The following NTM variants were observed in gnomAD, a reference collection of about 807,000 sequenced individuals.
NTM encodes IgLON family member 2.
In NTM, 13 loss-of-function variants were observed where a neutral mutation model predicts 42.1. The observed-to-expected ratio is 0.31, with a 90% CI of 0.20 to 0.49. The LOEUF (loss-of-function observed/expected upper bound fraction) is 0.49. Among genes scored for constraint, NTM ranks in the 20% least tolerant of loss-of-function variants. The pLI, the probability that NTM is intolerant of heterozygous loss-of-function variation, is 0.99. For synonymous variants in NTM, 187 were observed against 179.2 expected, an observed-to-expected ratio of 1.04 and a Z score of -0.35; for missense variants, 373 against 452.8, an observed-to-expected ratio of 0.82 and a Z score of 1.60.
At chr11:131,866,859 A>G (rs2047274697) in intron 1 of NTM, among the ~76,000 whole-genome samples, 1 of 152,188 alleles carries the variant, frequency 6.6e-6, no homozygotes, top group Non-Finnish European at 1.5e-5. Context: ...GTTTGAACCT[A>G]GGATTCTTTA....
chr11:132,036,900 A>G (rs923435589), intron 2 of NTM, among the ~76,000 whole-genome samples: 6 of 152,188 alleles, frequency 3.9e-5, no homozygotes, highest in African/African-American at 1.4e-4. Flanking sequence ...AAAGTGTGGC[A>G]TCCATATGGT....
intron 1 of NTM, among the ~76,000 whole-genome samples, chr11:131,521,071 T>A (rs1436217840): frequency 6.6e-6 from 1 of 151,960 alleles, no homozygotes; most frequent in East Asian, 1.9e-4. Flanking sequence ...ATGCCTGTAA[T>A]CCTGGCACTT....
chr11:131,777,035 A>G, intron 1 of NTM: 1 of 773,188 alleles, frequency 1.3e-6, no homozygotes, highest in Non-Finnish European at 1.6e-6. Context: ...TGAATCATGA[A>G]TTTTGGGTGG....
chr11:131,897,789 C>T (rs1290697751), intron 1 of NTM, among the ~76,000 whole-genome samples: 2 of 152,094 alleles, frequency 1.3e-5, no homozygotes, highest in South Asian at 2.1e-4. Context: ...AAATATTCAT[C>T]AGTAACATTT....
intron 4 of NTM, among the ~76,000 whole-genome samples, chr11:132,260,815 C>A (rs1454992415): frequency 6.6e-6 from 1 of 152,194 alleles, no homozygotes; most frequent in Non-Finnish European, 1.5e-5. Flanking sequence ...CACCACGGAA[C>A]CTTCTGTTCA....
rs112930827 is a variant in NTM at position 132,320,566 on chromosome 11, C to G, written c.934+5863C>G. ...GCTGATTGCTAGCACAGCAGTCTGA[C>G]ATCAAACTGCAAGGTGGCAGTGAGG... On this transcript the variant is annotated intron_variant, in intron 7 of 8. Transcript: ENST00000683400. 6.6e-4 allele frequency among the ~76,000 whole-genome samples: 100 copies of G among 152,292 alleles called. 3 individuals carry two copies. The highest frequency in any genetic ancestry group is 9.4e-4 in the African/African-American group (39 of 41,560).
intron 1 of NTM, among the ~76,000 whole-genome samples, chr11:131,809,819 C>T (rs2092664652): frequency 6.6e-6 from 1 of 152,170 alleles, no homozygotes; most frequent in Non-Finnish European, 1.5e-5. Flanking sequence ...CCTTCTGTGT[C>T]CCAAAGGTAG....
At chr11:131,568,881 A>G (rs1565649367) in intron 1 of NTM, among the ~76,000 whole-genome samples, 1 of 152,172 alleles carries the variant, frequency 6.6e-6, no homozygotes. Flanking sequence ...TAGCTCCCAG[A>G]TGCTCTCTCT....
At chr11:131,503,926 A>C (rs896941518) in intron 1 of NTM, among the ~76,000 whole-genome samples, 5 of 152,184 alleles carry the variant, frequency 3.3e-5, no homozygotes, top group African/African-American at 9.6e-5. Context: ...AGATGCCATC[A>C]CCAACCCCTA....
chr11:132,288,379 G>A (rs1191571424), intron 4 of NTM, among the ~76,000 whole-genome samples: 1 of 152,188 alleles, frequency 6.6e-6, no homozygotes, highest in Non-Finnish European at 1.5e-5. Flanking sequence ...CCAAGATTCT[G>A]ACATATGAAA....
intron 1 of NTM, among the ~76,000 whole-genome samples, chr11:131,411,014 C>T (rs985921469): frequency 1.3e-5 from 2 of 152,176 alleles, no homozygotes; most frequent in Non-Finnish European, 2.9e-5. Context: ...TCATTTGCTG[C>T]CAGACACTTA....
intron 1 of NTM, among the ~76,000 whole-genome samples, chr11:131,822,971 TCTCC>T (rs954881581): frequency 3.7e-4 from 57 of 152,290 alleles, no homozygotes; most frequent in African/African-American, 1.3e-3. Context: ...CTTCCTTCTG[TCTCC>T]CTCCCTTCCT....
intron 1 of NTM, among the ~76,000 whole-genome samples, chr11:131,372,422 T>C (rs1941344499): frequency 6.6e-6 from 1 of 152,104 alleles, no homozygotes; most frequent in Admixed American, 6.5e-5. Context: ...TGACTCCTCT[T>C]ATATAATATG....
chr11:131,552,968 A>G (rs937081752), intron 1 of NTM, among the ~76,000 whole-genome samples: 1 of 152,258 alleles, frequency 6.6e-6, no homozygotes, highest in Admixed American at 6.5e-5. Context: ...AAAGACTCAC[A>G]CAATCCAAAC....
intron 1 of NTM, among the ~76,000 whole-genome samples, chr11:131,788,911 C>T (rs1401509099): frequency 6.6e-6 from 1 of 152,168 alleles, no homozygotes; most frequent in Non-Finnish European, 1.5e-5. Context: ...TAGGCGCTTA[C>T]TTCTCACCCT....
intron 1 of NTM, among the ~76,000 whole-genome samples, chr11:131,761,854 A>C (rs1277741225): frequency 1.4e-5 from 2 of 143,810 alleles, no homozygotes; most frequent in Non-Finnish European, 3.1e-5. Flanking sequence ...TAAATAAATA[A>C]ATAAATAATA....
At position 131,919,833 on chromosome 11, in the gene NTM, T is replaced by G. The variant is rs1047642791; in HGVS notation, c.167+8185T>G. On this transcript the variant is annotated intron_variant, in intron 2 of 8. Coordinates refer to ENST00000683400, the MANE Select transcript of NTM (RefSeq NM_001352005.2). ...TTATAAACTATTGTAGCTTAAACACTTTGGCAGATATACCATGTCTTGCTT... is the reference window on the plus strand; with the variant it reads ...TTATAAACTATTGTAGCTTAAACACGTTGGCAGATATACCATGTCTTGCTT... 3.3e-4 allele frequency among the ~76,000 whole-genome samples: 50 copies of G among 152,184 alleles called. 1 individual carries two copies. The highest frequency in any genetic ancestry group is 2.0e-4 in the Admixed American group (3 of 15,288).
intron 1 of NTM, among the ~76,000 whole-genome samples, chr11:131,496,291 C>T (rs1375139429): frequency 1.3e-5 from 2 of 152,234 alleles, no homozygotes; most frequent in Admixed American, 6.5e-5. Flanking sequence ...ATTCAAGGTC[C>T]TGCGGACAGT....
At chr11:132,225,963 T>C (rs926820901) in intron 4 of NTM, among the ~76,000 whole-genome samples, 3 of 152,058 alleles carry the variant, frequency 2.0e-5, no homozygotes, top group African/African-American at 7.2e-5. Flanking sequence ...ACATGTGGCG[T>C]TTGGTTTTCT....
Sources: gnomAD v4.1 joint callset for allele counts (sites outside exome capture counted in the v4.1 genomes callset) on GRCh38, gnomAD v4.1.1 for gene constraint, MANE v1.5 for transcripts, NCBI Gene and HGNC (gene_info 2026-07-23, HGNC 2026-07-21) for gene names.